Variants in WDR33 observed in about 807,000 individuals in gnomAD.
WDR33 encodes WD repeat domain 33, also known as pre-mRNA 3' end processing protein WDR33.
Under a neutral mutation model 164.9 loss-of-function variants are expected in WDR33, and 47 were observed. That is an observed-to-expected ratio of 0.29 (90% CI 0.23 to 0.36). WDR33 has a LOEUF of 0.36. Among genes scored for constraint, WDR33 ranks in the 10% least tolerant of loss-of-function variants. The pLI is 1.00. For missense variants in WDR33, 1,137 were observed against 1,754.1 expected (o/e 0.65, Z 6.28); for synonymous variants, 505 against 589.0 (o/e 0.86, Z 2.06).
At chr2:127,744,389 T>G (rs912526301) in intron 7 of WDR33, among the ~76,000 whole-genome samples, 1 of 152,168 alleles carries the variant, frequency 6.6e-6, no homozygotes, top group Non-Finnish European at 1.5e-5. Flanking sequence ...TTACAGTAGA[T>G]ACATGCAGTC....
chr2:127,767,433 G>A (rs959229153), intron 4 of WDR33, among the ~76,000 whole-genome samples: 1 of 152,016 alleles, frequency 6.6e-6, no homozygotes, highest in Non-Finnish European at 1.5e-5. Context: ...TCAGTTTAAG[G>A]CCGGGCACGG....
chr2:127,742,874 C>CAA (rs540115118), intron 7 of WDR33, among the ~76,000 whole-genome samples: 2 of 127,022 alleles, frequency 1.6e-5, no homozygotes, highest in African/African-American at 5.8e-5. Context: ...AAAAAAAAAA[C>CAA]AAAAAAAAAC....
At chr2:127,769,466 C>T (rs2105442577) in intron 2 of WDR33, among the ~76,000 whole-genome samples, 2 of 152,182 alleles carry the variant, frequency 1.3e-5, no homozygotes, top group African/African-American at 4.8e-5. Flanking sequence ...ACCTTCCCTC[C>T]TCATGTTATC....
chr2:127,702,119 C>T lies in WDR33; in HGVS notation c.*4204G>A. On this transcript the variant is annotated 3_prime_UTR_variant, in exon 22 of 22. Transcript: ENST00000322313. ...CCTGGGGCGGCGGCACCGCGCTGCG[C>T]CTCGCACTGGGTCGCCTGGGCCGCG... 8.2e-7 allele frequency: 1 copy of T among 1,219,500 alleles called. No homozygotes were observed. The highest frequency in any genetic ancestry group is 1.0e-6 in the Non-Finnish European group (1 of 981,910). The allele number at this position is 1,219,500 out of a possible 1,614,324, so 75.5% of individuals were successfully genotyped here. A position where few individuals can be genotyped will look rare whatever the true frequency, so the allele number is the denominator to read the frequency against.
At chr2:127,788,755 C>A (rs1688724389) in intron 1 of WDR33, among the ~76,000 whole-genome samples, 2 of 147,774 alleles carry the variant, frequency 1.4e-5, no homozygotes, top group Admixed American at 6.6e-5. Context: ...GGGGCTGACC[C>A]CCCACCTCCC....
chr2:127,799,410 A>C (rs529921357), intron 1 of WDR33, among the ~76,000 whole-genome samples: 1 of 152,326 alleles, frequency 6.6e-6, no homozygotes, highest in South Asian at 2.1e-4. Flanking sequence ...ACTTGCATCC[A>C]GAATACACGA....
At position 127,723,010 on chromosome 2, in the gene WDR33, T is replaced by C. The variant is rs1686478507; in HGVS notation, c.1326A>G (p.Pro442=). 2 of 1,612,716 alleles carry C rather than the reference T, an allele frequency of 1.2e-6. No homozygotes were observed. Among genetic ancestry groups the C allele is most frequent in the East Asian group, 4.5e-5 (2 of 44,746 alleles). Residue 442 remains proline (P), a synonymous_variant, in exon 13 of 22, where the codon CCA becomes CCG. Transcript: ENST00000322313. This position sits in a 1 kb window ranked among gnomAD's most constrained non-coding sequence, Gnocchi z 5.9. ...DLEPNSLAVI[P]GMGIPEQLKL... Reference sequence around the variant, plus strand: ...TTAGTTGTTCTGGTATTCCCATTCCTGGAATTACTGCCAGGCTATTAGGTT... The same window carrying C: ...TTAGTTGTTCTGGTATTCCCATTCCCGGAATTACTGCCAGGCTATTAGGTT...
At chr2:127,788,678 C>G (rs1688718020) in intron 1 of WDR33, among the ~76,000 whole-genome samples, 2 of 144,574 alleles carry the variant, frequency 1.4e-5, no homozygotes, top group Admixed American at 6.7e-5. Flanking sequence ...TCCCGGACGG[C>G]ACGGCTGGCC....
intron 1 of WDR33, among the ~76,000 whole-genome samples, chr2:127,805,813 A>G (rs1001251091): frequency 6.6e-6 from 1 of 152,228 alleles, no homozygotes; most frequent in African/African-American, 2.4e-5. Context: ...CTGTGCCTGA[A>G]GCAATGGTGA....
At chr2:127,782,957 C>A (rs542917192) in intron 1 of WDR33, among the ~76,000 whole-genome samples, 2 of 152,026 alleles carry the variant, frequency 1.3e-5, no homozygotes, top group Non-Finnish European at 2.9e-5. Context: ...TGCAGTGAGC[C>A]GAGATCATGC....
At chr2:127,762,134 G>A (rs1374288481) in intron 7 of WDR33, among the ~76,000 whole-genome samples, 2 of 152,106 alleles carry the variant, frequency 1.3e-5, no homozygotes, top group South Asian at 2.1e-4. Context: ...CCCAACACCC[G>A]TAGCACCCAT....
intron 7 of WDR33, among the ~76,000 whole-genome samples, chr2:127,750,685 T>TAC (rs1558936849): frequency 1.2e-4 from 5 of 40,996 alleles, no homozygotes; most frequent in African/African-American, 9.3e-4. Context: ...AAAATATATA[T>TAC]ATATATATAT....
rs967819972 is a variant in WDR33 at position 127,722,943 on chromosome 2, T to G, written c.1378+15A>C. On this transcript the variant is annotated intron_variant, in intron 13 of 21. Transcript: ENST00000322313. The surrounding 1 kb of genome is among the most constrained non-coding windows in gnomAD (Gnocchi z 5.1). Reference sequence around the variant, plus strand: ...AATTTGTAAAAATTAAATGTGTCTGTGTAACTTCTCTTACCCATCTGTTCT... The same window carrying G: ...AATTTGTAAAAATTAAATGTGTCTGGGTAACTTCTCTTACCCATCTGTTCT... The G allele has an allele frequency of 6.3e-7, 1 of 1,591,388 alleles. No individual in the cohort carries two copies. The highest frequency in any genetic ancestry group is 8.5e-7 in the Non-Finnish European group (1 of 1,173,118).
intron 7 of WDR33, among the ~76,000 whole-genome samples, chr2:127,750,104 G>A (rs1422826291): frequency 1.3e-5 from 2 of 152,112 alleles, no homozygotes. Flanking sequence ...GCTCACTGCA[G>A]CCTCAGATTT....
chr2:127,747,007 A>C (rs772009737), intron 7 of WDR33, among the ~76,000 whole-genome samples: 3 of 152,260 alleles, frequency 2.0e-5, no homozygotes, highest in Non-Finnish European at 4.4e-5. Flanking sequence ...ACGATTATAG[A>C]AGATGATCAA....
chr2:127,748,842 T>G (rs1486261134), intron 7 of WDR33, among the ~76,000 whole-genome samples: 1 of 142,876 alleles, frequency 7.0e-6, no homozygotes, highest in Non-Finnish European at 1.5e-5. Context: ...TCTCCTGGGC[T>G]CAAGTGATCC....
In WDR33 at chr2:127,705,904, TCAC is replaced by T. The variant is rs1456709566; in HGVS notation, c.*416_*418del. The T allele has an allele frequency of 6.1e-6, 1 of 164,310 alleles. No individual in the cohort carries two copies. Among genetic ancestry groups the T allele is most frequent in the Admixed American group, 6.4e-5 (1 of 15,590 alleles). 10.2% of individuals were successfully genotyped at this position (164,310 alleles called of 1,614,324 possible). ...CAAAGGTTTCCTTAAGGCAAGCACT[TCAC>T]AACTAGTTTTCTGTCAATTCTTGCG... On this transcript the variant is annotated 3_prime_UTR_variant, in exon 22 of 22. Coordinates refer to ENST00000322313, the MANE Select transcript of WDR33 (RefSeq NM_018383.5). This position sits in a 1 kb window ranked among gnomAD's most constrained non-coding sequence, Gnocchi z 4.5.
chr2:127,731,606 G>A (rs1686709403), intron 7 of WDR33, among the ~76,000 whole-genome samples: 1 of 152,148 alleles, frequency 6.6e-6, no homozygotes, highest in Non-Finnish European at 1.5e-5. Flanking sequence ...ATGAATCAAT[G>A]AGAGGTTATT....
chr2:127,788,115 A>G (rs1211805171), intron 1 of WDR33, among the ~76,000 whole-genome samples: 10 of 71,462 alleles, frequency 1.4e-4, no homozygotes, highest in East Asian at 4.5e-4. Context: ...GGCCGGGCTG[A>G]GGGGCTCCTC....
Sources: gnomAD v4.1 joint callset for allele counts (sites outside exome capture counted in the v4.1 genomes callset) on GRCh38, gnomAD v4.1.1 for gene constraint, Gnocchi (gnomAD v3.1) non-coding constraint, MANE v1.5 for transcripts, NCBI Gene and HGNC (gene_info 2026-07-23, HGNC 2026-07-21) for gene names.